FSD1L: variants seen among roughly 807,000 people sequenced by gnomAD.
FSD1L encodes fibronectin type III and SPRY domain containing 1 like.
Under a neutral mutation model 71.6 loss-of-function variants are expected in FSD1L, and 45 were observed. The observed-to-expected ratio is 0.63, with a 90% CI of 0.49 to 0.81. The LOEUF (loss-of-function observed/expected upper bound fraction) is 0.81. FSD1L is among the 30% of genes least tolerant of loss of function. The pLI is 0.00. For synonymous variants in FSD1L, 197 were observed against 207.2 expected (o/e 0.95, Z 0.42); for missense variants, 561 against 618.1 (o/e 0.91, Z 0.98).
intron 8 of FSD1L, among the ~76,000 whole-genome samples, chr9:105,506,957 G>A (rs957324004): frequency 1.3e-5 from 2 of 152,104 alleles, no homozygotes; most frequent in African/African-American, 4.8e-5. Flanking sequence ...TTTGTTGGTA[G>A]AGACAGGGTT....
At chr9:105,491,859 A>G (rs1464234751) in intron 7 of FSD1L, among the ~76,000 whole-genome samples, 1 of 152,156 alleles carries the variant, frequency 6.6e-6, no homozygotes, top group East Asian at 1.9e-4. Flanking sequence ...CCACTTGATC[A>G]TGGTGGATAA....
chr9:105,540,417 A>G (rs62575108), intron 13 of FSD1L, among the ~76,000 whole-genome samples: 1 of 151,968 alleles, frequency 6.6e-6, no homozygotes, highest in African/African-American at 2.4e-5. Flanking sequence ...ACAAAAGTTA[A>G]TTTTGTTCAG....
At chr9:105,498,868 C>T (rs570436050) in intron 7 of FSD1L, among the ~76,000 whole-genome samples, 2 of 152,246 alleles carry the variant, frequency 1.3e-5, no homozygotes, top group East Asian at 1.9e-4. Context: ...AAGTGATCCG[C>T]CCCCCTCCCA....
At chr9:105,511,427 T>C (rs147182646) in intron 9 of FSD1L, among the ~76,000 whole-genome samples, 71 of 152,268 alleles carry the variant, frequency 4.7e-4, no homozygotes, top group African/African-American at 1.6e-3. Context: ...TTAACTTTAT[T>C]AAGGCAGTTC....
chr9:105,525,901 A>G, intron 10 of FSD1L: 2 of 1,558,424 alleles, frequency 1.3e-6, no homozygotes, highest in Non-Finnish European at 1.8e-6. Flanking sequence ...CATGTCAACA[A>G]GAATGCCTTC....
intron 7 of FSD1L, among the ~76,000 whole-genome samples, chr9:105,496,234 C>T (rs1456422538): frequency 2.4e-5 from 3 of 124,096 alleles, no homozygotes; most frequent in East Asian, 5.3e-4. Context: ...GTCGGAATCT[C>T]GCTGTGTCGC....
rs1022889410 is a variant in FSD1L at position 105,520,456 on chromosome 9, A to C, written c.1025+7520A>C. ...TGAAAATTTTGTGACTATCGAAGCT[A>C]GTCTTAAACAGAAAGGTCACAAGTC... On this transcript the variant is annotated intron_variant, in intron 10 of 13. Coordinates refer to ENST00000481272, the MANE Select transcript of FSD1L (RefSeq NM_001145313.3). 1.0e-5 allele frequency: 11 copies of C among 1,050,226 alleles called. No individual in the cohort carries two copies. In the Admixed American group the frequency reaches 1.9e-4, roughly 18 times the overall value. 65.1% of individuals were successfully genotyped at this position (1,050,226 alleles called of 1,614,324 possible).
Position 105,549,329 on chromosome 9 carries a change from G to T in FSD1L, c.*2846G>T, listed in dbSNP as rs758493190. ...AGCTGCCTTAAGCACTTTAGAAAAA[G>T]AATTTTTTTACAATTCATTTTGACT... On this transcript the variant is annotated 3_prime_UTR_variant, in exon 14 of 14. Transcript: ENST00000481272. The T allele has an allele frequency of 6.6e-6, 1 of 151,958 alleles. No individual in the cohort carries two copies. The highest frequency in any genetic ancestry group is 1.5e-5 in the Non-Finnish European group (1 of 67,910). The allele number at this position is 151,958 out of a possible 1,614,324, so 9.4% of individuals were successfully genotyped here.
chr9:105,482,540 C>T (rs900772009), intron 6 of FSD1L, among the ~76,000 whole-genome samples: 6 of 152,194 alleles, frequency 3.9e-5, no homozygotes, highest in Admixed American at 3.9e-4. Context: ...ACCTAGCCTT[C>T]TGGATCCTGT....
chr9:105,488,203 A>G (rs566704134), intron 7 of FSD1L, among the ~76,000 whole-genome samples: 31 of 152,298 alleles, frequency 2.0e-4, no homozygotes, highest in African/African-American at 6.0e-4. Flanking sequence ...CTCCCAGTCA[A>G]TGGCAACCAC....
chr9:105,521,807 A>G, intron 10 of FSD1L: 1 of 1,612,598 alleles, frequency 6.2e-7, no homozygotes, highest in Non-Finnish European at 8.5e-7. Context: ...CCACAGAACA[A>G]AACATACGAG....
In FSD1L at chr9:105,550,383, T is replaced by C. The variant is rs889890328; in HGVS notation, c.*3900T>C. 1 of 152,052 alleles carries C rather than the reference T, an allele frequency of 6.6e-6. No individual in the cohort carries two copies. The highest frequency in any genetic ancestry group is 1.5e-5 in the Non-Finnish European group (1 of 67,924). 9.4% of individuals were successfully genotyped at this position (152,052 alleles called of 1,614,324 possible). Reference sequence around the variant, plus strand: ...GGGAAGTGTATGGTCAACATATATTTACTCAGTATACAGATAACCACAAAG... The same window carrying C: ...GGGAAGTGTATGGTCAACATATATTCACTCAGTATACAGATAACCACAAAG... On this transcript the variant is annotated 3_prime_UTR_variant, in exon 14 of 14. Coordinates refer to ENST00000481272, the MANE Select transcript of FSD1L (RefSeq NM_001145313.3).
At chr9:105,479,023 T>A (rs1371680111) in intron 5 of FSD1L, among the ~76,000 whole-genome samples, 1 of 152,190 alleles carries the variant, frequency 6.6e-6, no homozygotes, top group African/African-American at 2.4e-5. Context: ...CTCTAGTTGA[T>A]GAGTATCAGA....
intron 5 of FSD1L, among the ~76,000 whole-genome samples, chr9:105,478,498 T>C (rs1389053743): frequency 1.3e-5 from 2 of 152,188 alleles, no homozygotes; most frequent in Non-Finnish European, 2.9e-5. Context: ...CTTGTCTATG[T>C]CTGATATATT....
intron 5 of FSD1L, among the ~76,000 whole-genome samples, chr9:105,478,494 T>C (rs1588968519): frequency 6.6e-6 from 1 of 152,318 alleles, no homozygotes; most frequent in East Asian, 1.9e-4. Context: ...CAGCCTTGTC[T>C]ATGTCTGATA....
At chr9:105,452,669 G>GCCTGCCTGCCTTCCTGCCTT (rs1191519308) in intron 1 of FSD1L, among the ~76,000 whole-genome samples, 7 of 96,172 alleles carry the variant, frequency 7.3e-5, no homozygotes, top group African/African-American at 3.0e-4. Flanking sequence ...CTGCCTGCCT[G>GCCTGCCTGCCTTCCTGCCTT]CCTTCCTTCC....
Position 105,546,630 on chromosome 9 carries a change from AC to A in FSD1L, c.*148del. The A allele has an allele frequency of 1.4e-6, 1 of 691,220 alleles. No individual in the cohort carries two copies. Among genetic ancestry groups the A allele is most frequent in the African/African-American group, 1.8e-5 (1 of 54,440 alleles). 42.8% of individuals were successfully genotyped at this position (691,220 alleles called of 1,614,324 possible). Reference sequence around the variant, plus strand: ...AATCTTTTATCATTAAACACCTAGTACGAAGCATTTGCAGGAACCTACTGTG... The same window carrying A: ...AATCTTTTATCATTAAACACCTAGTAGAAGCATTTGCAGGAACCTACTGTG... On this transcript the variant is annotated 3_prime_UTR_variant, in exon 14 of 14. Coordinates refer to ENST00000481272, the MANE Select transcript of FSD1L (RefSeq NM_001145313.3).
intron 10 of FSD1L, chr9:105,523,121 G>A (rs1835287969): frequency 6.2e-7 from 1 of 1,613,728 alleles, no homozygotes; most frequent in Non-Finnish European, 8.5e-7. Context: ...AGCAGGAAGT[G>A]GCTAGTCTAA....
At chr9:105,500,688 C>G (rs1833709714) in intron 7 of FSD1L, 1 of 152,160 alleles carries the variant, frequency 6.6e-6, no homozygotes, top group Non-Finnish European at 1.5e-5. Flanking sequence ...AGGTAAAACT[C>G]ACAAATGTGT....
Sources: allele counts gnomAD v4.1 joint callset (sites outside exome capture counted in the v4.1 genomes callset), GRCh38; gene constraint gnomAD v4.1.1; transcripts MANE v1.5; gene names NCBI Gene and HGNC (gene_info 2026-07-23, HGNC 2026-07-21).